The following MGAM2 variants were observed in gnomAD, a reference collection of about 807,000 sequenced individuals.
The protein encoded by MGAM2 is probable maltase-glucoamylase 2.
MGAM2 carries 98 observed loss-of-function variants against 96.1 expected under a neutral mutation model. That is an observed-to-expected ratio of 1.02 (90% CI 0.87 to 1.21). The LOEUF is 1.21. Ranked by LOEUF, MGAM2 falls within the 50% of genes most tolerant of loss-of-function variation. MGAM2 has a pLI of 0.00. For missense variants in MGAM2, 2,055 were observed against 1,182.4 expected (o/e 1.74, Z -10.82); for synonymous variants, 749 against 414.8 (o/e 1.81, Z -9.79).
At chr7:142,195,239 G>A (rs1796995784) in intron 37 of MGAM2, among the ~76,000 whole-genome samples, 1 of 151,284 alleles carries the variant, frequency 6.6e-6, no homozygotes, top group Non-Finnish European at 1.5e-5. Context: ...TCAATGTGTT[G>A]CCTAGGCTGG....
Position 142,198,714 on chromosome 7 carries a change from G to C in MGAM2, c.5023G>C (p.Glu1675Gln), listed in dbSNP as rs1315682067. Residue 1675 changes from glutamate (E) to glutamine (Q), a missense_variant, in exon 44 of 48, where the codon GAG becomes CAG. Physicochemically the swap from Glu to Gln is conservative, Grantham distance 29. Coordinates refer to ENST00000477922, the MANE Select transcript of MGAM2 (RefSeq NM_001293626.2). The part of the protein sequence containing the change: ...VRGGYILPWQ[E>Q]PAMNTHSSRQ... ...AGGAGGCTACATCCTGCCCTGGCAA[G>C]AGCCTGCTATGAACACTCACTCCAG... 7.1e-6 allele frequency: 5 copies of C among 704,232 alleles called. No homozygotes were observed. Among genetic ancestry groups the C allele is most frequent in the African/African-American group, 1.7e-5 (1 of 57,378 alleles). 43.6% of individuals were successfully genotyped at this position (704,232 alleles called of 1,614,324 possible).
chr7:142,184,097 T>G (rs947981834), intron 33 of MGAM2, among the ~76,000 whole-genome samples: 13 of 151,080 alleles, frequency 8.6e-5, no homozygotes, highest in African/African-American at 2.7e-4. Flanking sequence ...CTCAGCCTCC[T>G]GAGTAGCTGG....
chr7:142,174,715 C>T (rs1452431054), intron 31 of MGAM2, among the ~76,000 whole-genome samples: 22 of 85,434 alleles, frequency 2.6e-4, no homozygotes, highest in East Asian at 8.3e-4. Context: ...CTCTCTCTCT[C>T]TTTTTTTTTT....
At chr7:142,187,317 A>G (rs1796729711) in intron 35 of MGAM2, among the ~76,000 whole-genome samples, 1 of 152,264 alleles carries the variant, frequency 6.6e-6, no homozygotes, top group African/African-American at 2.4e-5. Context: ...AGAGGAAGAT[A>G]ATAGTAACCT....
chr7:142,161,047 C>T, intron 21 of MGAM2, 78 bp from the exon 22 acceptor site: 2 of 679,598 alleles, frequency 2.9e-6, no homozygotes, highest in South Asian at 3.1e-5. Context: ...TTATCTGTCC[C>T]TGGGGGATGA....
intron 14 of MGAM2, among the ~76,000 whole-genome samples, chr7:142,146,521 C>T (rs1342628729): frequency 6.6e-6 from 1 of 152,082 alleles, no homozygotes; most frequent in Non-Finnish European, 1.5e-5. Flanking sequence ...GGAATTGTGC[C>T]TCACACTCAG....
intron 3 of MGAM2, among the ~76,000 whole-genome samples, chr7:142,130,121 T>A (rs1279639996): frequency 6.6e-6 from 1 of 152,154 alleles, no homozygotes; most frequent in Non-Finnish European, 1.5e-5. Context: ...TCTTGCTAAA[T>A]AACACCAAAA....
intron 3 of MGAM2, among the ~76,000 whole-genome samples, chr7:142,129,558 C>A (rs1794824292): frequency 6.6e-6 from 1 of 151,912 alleles, no homozygotes; most frequent in South Asian, 2.1e-4. Flanking sequence ...GGCGCGGTGG[C>A]TCATGCCTGT....
At chr7:142,213,901 A>G (rs943328680) in intron 46 of MGAM2, among the ~76,000 whole-genome samples, 18 of 152,346 alleles carry the variant, frequency 1.2e-4, no homozygotes, top group African/African-American at 3.8e-4. Flanking sequence ...ATGAACATCA[A>G]TGCAAAAGTC....
At chr7:142,118,650 A>G (rs1196048967) in intron 2 of MGAM2, among the ~76,000 whole-genome samples, 2 of 152,188 alleles carry the variant, frequency 1.3e-5, no homozygotes, top group Non-Finnish European at 2.9e-5. Flanking sequence ...GTGTATTTCC[A>G]ATGGGGCCAA....
chr7:142,189,817 C>T (rs558437035), intron 37 of MGAM2, among the ~76,000 whole-genome samples: 12 of 152,312 alleles, frequency 7.9e-5, no homozygotes, highest in African/African-American at 2.9e-4. Context: ...ATCATTTCTA[C>T]CTTGTTCCTA....
In MGAM2 at chr7:142,221,309, T is replaced by C; in HGVS notation, c.6798T>C (p.Val2266=). The change falls in exon 48 of 48, where the codon GTT becomes GTC. Residue 2266 remains valine, a synonymous_variant. Coordinates refer to ENST00000477922, the MANE Select transcript of MGAM2 (RefSeq NM_001293626.2). ...SITTTSFGNS[V]PFVTTPSPST... is the part of the protein sequence containing the mutation. ...CAACTACTTCTTTTGGTAATAGTGT[T>C]CCTTTTGTGACTACTCCTTCTCCAA... 1 of 655,474 alleles carries C rather than the reference T, an allele frequency of 1.5e-6. No individual in the cohort carries two copies. The highest frequency in any genetic ancestry group is 2.8e-6 in the Non-Finnish European group (1 of 362,082). 40.6% of individuals were successfully genotyped at this position (655,474 alleles called of 1,614,324 possible).
At chr7:142,140,474 C>T (rs185492845) in intron 10 of MGAM2, among the ~76,000 whole-genome samples, 2 of 152,248 alleles carry the variant, frequency 1.3e-5, no homozygotes, top group East Asian at 1.9e-4. Flanking sequence ...ATGATTCATT[C>T]AAACAACCAT....
chr7:142,177,715 G>A (rs1349681498), intron 32 of MGAM2, among the ~76,000 whole-genome samples: 5 of 152,020 alleles, frequency 3.3e-5, no homozygotes, highest in Non-Finnish European at 7.4e-5. Flanking sequence ...TCTTTTTATG[G>A]CTGTGTATTA....
At chr7:142,136,735 C>A (rs920664087) in intron 8 of MGAM2, 95 bp downstream of exon 8, 2 of 553,092 alleles carry the variant, frequency 3.6e-6, no homozygotes, top group Non-Finnish European at 6.4e-6. Flanking sequence ...AACTGTTGAA[C>A]AGAAGGCATT....
intron 45 of MGAM2, among the ~76,000 whole-genome samples, chr7:142,202,065 A>C (rs992696257): frequency 2.0e-5 from 3 of 152,212 alleles, no homozygotes; most frequent in African/African-American, 7.2e-5. Flanking sequence ...AAAGATGCTA[A>C]AAATACAAAA....
intron 23 of MGAM2, among the ~76,000 whole-genome samples, chr7:142,162,369 G>A (rs1435812446): frequency 1.3e-5 from 2 of 152,078 alleles, no homozygotes; most frequent in East Asian, 3.9e-4. Flanking sequence ...CATAATGGCT[G>A]TCCTTTGTAG....
chr7:142,189,436 A>G lies in MGAM2; in HGVS notation c.4277A>G (p.Asp1426Gly). Residue 1426 changes from aspartate to glycine, a missense_variant, in exon 37 of 48, where the codon GAC (aspartate) becomes GGC (glycine). By Grantham distance (94) the Asp-to-Gly change is moderately conservative (BLOSUM62 -1). Coordinates refer to ENST00000477922, the MANE Select transcript of MGAM2 (RefSeq NM_001293626.2). ...ATGGAGAGTCAGCAGATCCTGCCGG[A>G]CAGCTCCCCCGTGGAGCACTACAAC... ...LCMESQQILP[D>G]SSPVEHYNVH... is the part of the protein sequence containing the mutation. The G allele has an allele frequency of 2.6e-6, 2 of 771,494 alleles. No homozygotes were observed. Among genetic ancestry groups the G allele is most frequent in the East Asian group, 5.3e-5 (2 of 37,450 alleles). The allele number at this position is 771,494 out of a possible 1,614,324, so 47.8% of individuals were successfully genotyped here. A position where few individuals can be genotyped will look rare whatever the true frequency, so the allele number is the denominator to read the frequency against.
chr7:142,157,327 G>A (rs1034741767), intron 17 of MGAM2, among the ~76,000 whole-genome samples: 2 of 151,824 alleles, frequency 1.3e-5, no homozygotes, highest in African/African-American at 4.8e-5. Context: ...TATCTCCATG[G>A]CAACCCCTGT....
Sources: allele counts gnomAD v4.1 joint callset (sites outside exome capture counted in the v4.1 genomes callset), GRCh38; gene constraint gnomAD v4.1.1; transcripts MANE v1.5; gene names NCBI Gene and HGNC (gene_info 2026-07-23, HGNC 2026-07-21).